SH3BP1: variants seen among roughly 807,000 people sequenced by gnomAD.
The protein encoded by SH3BP1 is SH3 domain-binding protein 1.
SH3BP1 carries 46 observed loss-of-function variants against 69.8 expected under a neutral mutation model. The observed-to-expected ratio is 0.66, with a 90% CI of 0.52 to 0.84. The LOEUF is 0.84. Ranked by LOEUF, SH3BP1 falls within the 40% of genes least tolerant of loss-of-function variation. The probability of loss-of-function intolerance (pLI) is 0.00; values close to 1 mark genes in which losing one functional copy is unlikely to be tolerated. For missense variants in SH3BP1, 868 were observed against 930.9 expected, an observed-to-expected ratio of 0.93 and a Z score of 0.88; for synonymous variants, 403 against 378.0, an observed-to-expected ratio of 1.07 and a Z score of -0.77.
intron 9 of SH3BP1, 36 bp downstream of exon 9, chr22:37,644,996 C>T (rs1932757812): frequency 6.3e-7 from 1 of 1,575,440 alleles, no homozygotes; most frequent in Non-Finnish European, 8.7e-7. Flanking sequence ...ACACCCCTGA[C>T]CCTGCCCTGC....
chr22:37,650,096 G>A, intron 14 of SH3BP1, 56 bp from the exon 15 acceptor site: 1 of 1,589,852 alleles, frequency 6.3e-7, no homozygotes, highest in Non-Finnish European at 8.6e-7. Flanking sequence ...CACAGAGCCA[G>A]CCAGAGAGTT....
intron 11 of SH3BP1, 43 bp from the exon 12 acceptor site, chr22:37,647,224 C>A (rs375872643): frequency 3.3e-6 from 5 of 1,526,862 alleles, no homozygotes; most frequent in Non-Finnish European, 4.5e-6. Context: ...AGTGGGAGAG[C>A]GGGTGGGGGC....
At chr22:37,641,255 G>C in intron 2 of SH3BP1, 87 bp downstream of exon 2, 1 of 1,514,302 alleles carries the variant, frequency 6.6e-7, no homozygotes, top group Admixed American at 2.0e-5. Context: ...CCAGGTAGGG[G>C]CCTGGGTTGA....
In SH3BP1 at chr22:37,650,165, C is replaced by G; in HGVS notation, c.1330C>G (p.Leu444Val). 6.2e-7 allele frequency: 1 copy of G among 1,614,132 alleles called. No individual in the cohort carries two copies. Among genetic ancestry groups the G allele is most frequent in the South Asian group, 1.1e-5 (1 of 91,088 alleles). The change falls in exon 15 of 18, where the codon CTG becomes GTG. Residue 444 changes from leucine to valine, a missense_variant. This residue lies in a region of SH3BP1 where 474 missense variants were observed against 462.3 expected (regional missense o/e 1.03). Transcript: ENST00000649765. Reference protein sequence around the residue: ...PPEKEGDQAQLDAASVSSIQV... With the variant: ...PPEKEGDQAQVDAASVSSIQV... ...TCTTTGTCCCAGGGACCAGGCCCAG[C>G]TGGATGCAGCCTCCGTGTCTTCCAT...
chr22:37,654,258 G>A lies in SH3BP1; in HGVS notation c.1693+385G>A, dbSNP rs184592957. Among the ~76,000 whole-genome samples, 289 of 152,226 alleles carry A rather than the reference G, an allele frequency of 1.9e-3. 3 individuals are homozygous for A. Among genetic ancestry groups the A allele is most frequent in the Middle Eastern group, 0.014 (4 of 294 alleles). On this transcript the variant is annotated intron_variant, in intron 17 of 17. Coordinates refer to ENST00000649765, the MANE Select transcript of SH3BP1 (RefSeq NM_018957.6). ...AGCCCAGAGGTCACAGACTACAGTG[G>A]AAGGAGGGAGTCTTCAAAGGGCAGT...
At position 37,655,504 on chromosome 22, in the gene SH3BP1, C is replaced by A. The variant is rs77992674; in HGVS notation, c.1926C>A (p.Pro642=). 1,604 of 1,569,924 alleles carry A rather than the reference C, an allele frequency of 1.0e-3. 21 individuals carry two copies. The African/African-American group carries it at 0.02, about 19-fold the overall frequency. ...AAAGCCGGCGTTCACCAGCCTCCCC[C>A]AGCCCGGCCTCCCCAGGTCCAGCCT... ...RRQSRRSPAS[P]SPASPGPASP... Residue 642 remains proline, a synonymous_variant, in exon 18 of 18, where the codon CCC becomes CCA. Transcript: ENST00000649765.
chr22:37,642,801 G>T, intron 4 of SH3BP1, 94 bp from the exon 5 acceptor site: 1 of 1,593,244 alleles, frequency 6.3e-7, no homozygotes, highest in South Asian at 1.1e-5. Flanking sequence ...ATATCTAGGA[G>T]GGGCCGGAAG....
At chr22:37,653,559 C>T (rs1332955318) in intron 16 of SH3BP1, among the ~76,000 whole-genome samples, 1 of 152,182 alleles carries the variant, frequency 6.6e-6, no homozygotes, top group East Asian at 1.9e-4. Context: ...GGAACATGGA[C>T]TCTGTCACAG....
At chr22:37,650,867 G>A in intron 16 of SH3BP1, 142 bp downstream of exon 16, 1 of 1,150,240 alleles carries the variant, frequency 8.7e-7, no homozygotes, top group Non-Finnish European at 1.2e-6. Context: ...CTCCTAGTTT[G>A]GAGAGGGTGG....
rs1431641162 is a variant in SH3BP1, at chr22:37,639,825, C to G, written c.38C>G (p.Ala13Gly). ...CAGCTGCACCGCATGCGGCAGCTGG[C>G]CCAGACGGGCAGCTTGGGACGGTGA... is the stretch of plus-strand genomic sequence containing the variant. ...KRQLHRMRQLAQTGSLGRTPE... is the reference protein window; with the variant it reads ...KRQLHRMRQLGQTGSLGRTPE... The change falls in exon 1 of 18, where the codon GCC becomes GGC. Residue 13 changes from alanine to glycine, a missense_variant. Coordinates refer to ENST00000649765, the MANE Select transcript of SH3BP1 (RefSeq NM_018957.6). 6.4e-7 allele frequency: 1 copy of G among 1,571,860 alleles called. No individual in the cohort carries two copies. Among genetic ancestry groups the G allele is most frequent in the Non-Finnish European group, 8.6e-7 (1 of 1,161,394 alleles).
rs114913212 is a variant in SH3BP1, at chr22:37,642,702, C to T, written c.284+87C>T. ...GGGGTCCAGGTGGTGAGGGCATCCA[C>T]ATCAGAAGAATGACCAGGCTGGGGA... On this transcript the variant is annotated intron_variant, in intron 4 of 17. Coordinates refer to ENST00000649765, the MANE Select transcript of SH3BP1 (RefSeq NM_018957.6). 3.6e-3 allele frequency: 5,846 copies of T among 1,609,398 alleles called. 215 individuals carry two copies. In the African/African-American group the frequency reaches 0.07, roughly 19 times the overall value.
Position 37,655,626 on chromosome 22 carries a change from C to A in SH3BP1, c.2048C>A (p.Thr683Asn). The A allele has an allele frequency of 1.3e-6, 2 of 1,536,420 alleles. No individual in the cohort carries two copies. The highest frequency in any genetic ancestry group is 8.8e-7 in the Non-Finnish European group (1 of 1,139,996). The change falls in exon 18 of 18, where the codon ACT becomes AAT. Residue 683 changes from threonine to asparagine, a missense_variant. Thr to Asn is a moderately conservative substitution (Grantham distance 65). Coordinates refer to ENST00000649765, the MANE Select transcript of SH3BP1 (RefSeq NM_018957.6). ...GAPEAISGVP[T>N]PPAIPPQPRP... Reference sequence around the variant, plus strand: ...CCTGAGGCTATCAGTGGGGTCCCCACTCCCCCAGCTATCCCCCCTCAGCCC... The same window carrying A: ...CCTGAGGCTATCAGTGGGGTCCCCAATCCCCCAGCTATCCCCCCTCAGCCC...
chr22:37,644,105 C>T (rs1932722696), intron 7 of SH3BP1, among the ~76,000 whole-genome samples: 2 of 152,186 alleles, frequency 1.3e-5, no homozygotes, highest in Non-Finnish European at 2.9e-5. Flanking sequence ...CAAGGCCAGG[C>T]GCGGTGGCTT....
chr22:37,655,501 C>T lies in SH3BP1; in HGVS notation c.1923C>T (p.Ser641=), dbSNP rs539530570. The T allele has an allele frequency of 2.6e-5, 41 of 1,565,704 alleles. No individual in the cohort carries two copies. Among genetic ancestry groups the T allele is most frequent in the Non-Finnish European group, 3.1e-5 (36 of 1,155,842 alleles). ...GCCAAAGCCGGCGTTCACCAGCCTC[C>T]CCCAGCCCGGCCTCCCCAGGTCCAG... The part of the protein sequence containing the change: ...ARRQSRRSPA[S]PSPASPGPAS... Residue 641 remains serine (S), a synonymous_variant, in exon 18 of 18, where the codon TCC becomes TCT. Coordinates refer to ENST00000649765, the MANE Select transcript of SH3BP1 (RefSeq NM_018957.6).
intron 14 of SH3BP1, among the ~76,000 whole-genome samples, chr22:37,649,089 CAG>C (rs1166846144): frequency 6.6e-6 from 1 of 152,160 alleles, no homozygotes; most frequent in Admixed American, 6.5e-5. Context: ...AAGACACCCT[CAG>C]AACCTCGATT....
chr22:37,655,039 G>A (rs1932978123), intron 17 of SH3BP1, among the ~76,000 whole-genome samples: 1 of 152,082 alleles, frequency 6.6e-6, no homozygotes, highest in Admixed American at 6.5e-5. Context: ...AAAATGTGAC[G>A]GAGCAGCTGG....
intron 1 of SH3BP1, 30 bp from the exon 2 acceptor site, chr22:37,641,096 T>TCGCC: frequency 7.8e-7 from 1 of 1,287,400 alleles, no homozygotes; most frequent in African/African-American, 2.4e-5. Flanking sequence ...GCAGAAGCAC[T>TCGCC]CTCCCCCCCC....
At chr22:37,649,902 T>C in intron 14 of SH3BP1, 1 of 592,180 alleles carries the variant, frequency 1.7e-6, no homozygotes, top group Non-Finnish European at 3.1e-6. Context: ...TGCATTTGCT[T>C]GGTAGAGGCT....
chr22:37,641,503 G>A (rs1273884377), intron 3 of SH3BP1, 25 bp downstream of exon 3: 11 of 1,532,992 alleles, frequency 7.2e-6, no homozygotes, highest in Non-Finnish European at 9.7e-6. Context: ...CCGGGAAGGA[G>A]GGGCCTGAGC....
Sources: gnomAD v4.1 joint callset for allele counts (sites outside exome capture counted in the v4.1 genomes callset) on GRCh38, gnomAD v4.1.1 for gene constraint, gnomAD v4.1.1 regional missense constraint, MANE v1.5 for transcripts, NCBI Gene and HGNC (gene_info 2026-07-23, HGNC 2026-07-21) for gene names.